MRPS6: variants seen among roughly 807,000 people sequenced by gnomAD.
MRPS6 encodes small ribosomal subunit protein bS6m.
In MRPS6, 6 loss-of-function variants were observed where a neutral mutation model predicts 13.1. The observed-to-expected ratio is 0.46, with a 90% CI of 0.25 to 0.91. The LOEUF is 0.91. Among genes scored for constraint, MRPS6 ranks in the 40% least tolerant of loss-of-function variants. MRPS6 has a pLI of 0.18. For missense variants in MRPS6, 164 were observed against 155.6 expected (o/e 1.05, Z -0.29); for synonymous variants, 61 against 56.5 (o/e 1.08, Z -0.36).
intron 1 of MRPS6, among the ~76,000 whole-genome samples, chr21:34,078,509 A>G (rs1989386227): frequency 6.6e-6 from 1 of 152,116 alleles, no homozygotes; most frequent in African/African-American, 2.4e-5. Context: ...TGACTCACAC[A>G]TTCAATACTG....
intron 2 of MRPS6, among the ~76,000 whole-genome samples, chr21:34,139,118 T>C (rs1461188771): frequency 7.2e-6 from 1 of 139,196 alleles, no homozygotes; most frequent in Non-Finnish European, 1.5e-5. Context: ...TTCTCACTCA[T>C]AGGTGGGAAT....
intron 1 of MRPS6, among the ~76,000 whole-genome samples, chr21:34,114,814 GACTA>G (rs1313136908): frequency 5.3e-5 from 8 of 152,306 alleles, no homozygotes; most frequent in Non-Finnish European, 1.2e-4. Flanking sequence ...CAAGGCACAT[GACTA>G]ACTAATATAT....
chr21:34,117,173 A>G (rs1602952994), intron 1 of MRPS6, among the ~76,000 whole-genome samples: 2 of 152,192 alleles, frequency 1.3e-5, no homozygotes, highest in African/African-American at 4.8e-5. Flanking sequence ...TTAATGTTCT[A>G]GGCAAAATAG....
At chr21:34,099,827 T>C in intron 1 of MRPS6, 1 of 594,260 alleles carries the variant, frequency 1.7e-6, no homozygotes. Context: ...ATAAACATCA[T>C]TTTATTTAGA....
At chr21:34,112,245 T>C (rs888135131) in intron 1 of MRPS6, among the ~76,000 whole-genome samples, 12 of 152,188 alleles carry the variant, frequency 7.9e-5, no homozygotes, top group Non-Finnish European at 1.5e-4. Context: ...GAACGTGTAT[T>C]GTAAGCCAAG....
At chr21:34,127,294 T>G (rs1260552703) in intron 2 of MRPS6, among the ~76,000 whole-genome samples, 1 of 152,196 alleles carries the variant, frequency 6.6e-6, no homozygotes, top group African/African-American at 2.4e-5. Flanking sequence ...TAAATCAGTG[T>G]CTGGTATTTA....
intron 1 of MRPS6, among the ~76,000 whole-genome samples, chr21:34,113,939 G>A (rs1383235434): frequency 6.6e-6 from 1 of 152,164 alleles, no homozygotes; most frequent in Admixed American, 6.6e-5. Context: ...AATATAAGGC[G>A]AAGGCAGGGA....
chr21:34,134,119 C>T (rs1980603635), intron 2 of MRPS6, among the ~76,000 whole-genome samples: 1 of 152,148 alleles, frequency 6.6e-6, no homozygotes, highest in Non-Finnish European at 1.5e-5. Flanking sequence ...TGTTCCAGAG[C>T]CTAACTCAAA....
At chr21:34,140,591 G>A (rs1307707084) in intron 2 of MRPS6, among the ~76,000 whole-genome samples, 1 of 152,166 alleles carries the variant, frequency 6.6e-6, no homozygotes, top group Non-Finnish European at 1.5e-5. Flanking sequence ...TAATGTTGGT[G>A]TTCACTTTTT....
In MRPS6 at chr21:34,096,755, T is replaced by C. The variant is rs375427676; in HGVS notation, c.45+23010T>C. 4.2e-5 allele frequency: 67 copies of C among 1,614,014 alleles called. No homozygotes were observed. The African/African-American group carries it at 6.0e-4, about 14-fold the overall frequency. ...ATATGTATGTGGCCACAGGATTGTT[T>C]TGGGTCACGGGACTCATTACTGTAA... On this transcript the variant is annotated intron_variant, in intron 1 of 2. Transcript: ENST00000399312. The surrounding 1 kb of genome is among the most constrained non-coding windows in gnomAD (Gnocchi z 5.9).
chr21:34,100,462 G>A (rs1014908386), intron 1 of MRPS6: 19 of 1,000,104 alleles, frequency 1.9e-5, no homozygotes, highest in Admixed American at 6.2e-5. Context: ...GAAGCATCAA[G>A]CAATAGCAAT....
chr21:34,104,281 C>G, intron 1 of MRPS6: 1 of 1,000,116 alleles, frequency 1.0e-6, no homozygotes. Context: ...CCCATTAACC[C>G]TCTTCTAGTC....
chr21:34,105,085 CT>C, intron 1 of MRPS6: 1 of 1,000,016 alleles, frequency 1.0e-6, no homozygotes. Flanking sequence ...AATGCAAAAG[CT>C]TTATTTTTTT....
At chr21:34,141,345 C>A (rs575043224) in intron 2 of MRPS6, among the ~76,000 whole-genome samples, 17 of 152,174 alleles carry the variant, frequency 1.1e-4, no homozygotes, top group African/African-American at 4.1e-4. Context: ...GAGTGAGGGG[C>A]CTTGGTGGAG....
At chr21:34,089,202 G>GT (rs11446934) in intron 1 of MRPS6, among the ~76,000 whole-genome samples, 140,957 of 151,640 alleles carry the variant, frequency 0.93, 65,582 homozygotes, top group Admixed American at 0.95. Flanking sequence ...TGATTTTTGT[G>GT]TTTTTTTAGA....
Position 34,073,764 on chromosome 21 carries a change from G to C in MRPS6, c.45+19G>C. 6.7e-7 allele frequency: 1 copy of C among 1,489,790 alleles called. No homozygotes were observed. The highest frequency in any genetic ancestry group is 9.0e-7 in the Non-Finnish European group (1 of 1,111,874). The allele number at this position is 1,489,790 out of a possible 1,614,324, so 92.3% of individuals were successfully genotyped here. ...GCAGCGGGTAAGTGACCTTCCCTCA[G>C]AGCCGGTCTTCCCGCGCGGGCGCCC... On this transcript the variant is annotated intron_variant, in intron 1 of 2. Transcript: ENST00000399312.
intron 1 of MRPS6, among the ~76,000 whole-genome samples, chr21:34,074,214 C>G (rs1989265597): frequency 6.6e-6 from 1 of 150,862 alleles, no homozygotes; most frequent in Admixed American, 6.6e-5. Context: ...TGCCGCCGAC[C>G]GCCTCCGCTC....
At chr21:34,107,720 A>G (rs934762489) in intron 1 of MRPS6, among the ~76,000 whole-genome samples, 2 of 152,116 alleles carry the variant, frequency 1.3e-5, no homozygotes, top group African/African-American at 4.8e-5. Context: ...GTGAGTTATT[A>G]TTCATTACTG....
chr21:34,102,471 A>G, intron 1 of MRPS6: 1 of 1,000,148 alleles, frequency 1.0e-6, no homozygotes, highest in Non-Finnish European at 1.2e-6. Context: ...CAACAACCCT[A>G]ACCATTGGCA....
Sources: gnomAD v4.1 joint callset for allele counts (sites outside exome capture counted in the v4.1 genomes callset) on GRCh38, gnomAD v4.1.1 for gene constraint, Gnocchi (gnomAD v3.1) non-coding constraint, MANE v1.5 for transcripts, NCBI Gene and HGNC (gene_info 2026-07-23, HGNC 2026-07-21) for gene names.